CIMAP1C: variants seen among roughly 807,000 people sequenced by gnomAD.
CIMAP1C encodes outer dense fiber of sperm tails 3 like 1.
the CIMAP1C span, chr15:75,726,066 TGC>T: frequency 3.3e-5 from 53 of 1,612,566 alleles, no homozygotes; most frequent in South Asian, 5.5e-4. Context: ...AGGGATGGTG[TGC>T]CACAGCAGCC....
chr15:75,727,489 C>T, the CIMAP1C span: 4 of 1,610,710 alleles, frequency 2.5e-6, no homozygotes, highest in African/African-American at 4.0e-5. Context: ...TCACCATGGG[C>T]ATCAAGCACT....
the CIMAP1C span, chr15:75,726,105 A>C: frequency 6.2e-7 from 1 of 1,613,964 alleles, no homozygotes; most frequent in African/African-American, 1.3e-5. Context: ...CTTGGATCCC[A>C]AAATAACTCG....
At chr15:75,726,211 T>TGGGGGG in the CIMAP1C span, 1 of 1,236,460 alleles carries the variant, frequency 8.1e-7, no homozygotes, top group Non-Finnish European at 1.2e-6. Context: ...GGTTGGGAGG[T>TGGGGGG]TGGGGGGTGG....
chr15:75,727,456 G>A, the CIMAP1C span: 2 of 1,613,874 alleles, frequency 1.2e-6, no homozygotes, highest in Non-Finnish European at 1.7e-6. Context: ...AGGTCACTGT[G>A]CACAAGCCCC....
the CIMAP1C span, chr15:75,725,087 C>T: frequency 6.4e-7 from 1 of 1,568,174 alleles, no homozygotes. Flanking sequence ...AGGCTGAGGG[C>T]TGTCCTGTCC....
chr15:75,724,583 T>A, the CIMAP1C span, among the ~76,000 whole-genome samples: 1 of 152,220 alleles, frequency 6.6e-6, no homozygotes, highest in Non-Finnish European at 1.5e-5. Flanking sequence ...TTCCCTTCAA[T>A]TTTACTCTCA....
At chr15:75,724,430 G>A in the CIMAP1C span, 10 of 745,632 alleles carry the variant, frequency 1.3e-5, no homozygotes, top group Middle Eastern at 3.6e-4. Context: ...CAGAAGACCT[G>A]AGCCTCCAAG....
At chr15:75,727,211 T>C in the CIMAP1C span, 2 of 1,614,144 alleles carry the variant, frequency 1.2e-6, no homozygotes, top group Middle Eastern at 1.7e-4. Context: ...GATGCCACTC[T>C]TGCTGGGGCC....
chr15:75,727,399 T>A, the CIMAP1C span: 1 of 1,613,930 alleles, frequency 6.2e-7, no homozygotes, highest in East Asian at 2.2e-5. Context: ...TCGCCTACCC[T>A]CTGGACCTCA....
At chr15:75,726,212 T>TGGGGGGTGGGGTGGTG in the CIMAP1C span, 2 of 495,122 alleles carry the variant, frequency 4.0e-6, no homozygotes, top group East Asian at 4.7e-5. Context: ...GTTGGGAGGT[T>TGGGGGGTGGGGTGGTG]GGGGGGTGGG....
chr15:75,725,564 G>A, the CIMAP1C span, among the ~76,000 whole-genome samples: 1 of 152,352 alleles, frequency 6.6e-6, no homozygotes, highest in East Asian at 1.9e-4. Context: ...CAGTGGGGAA[G>A]TGGTGGCCCC....
chr15:75,725,303 G>A, the CIMAP1C span: 1 of 1,086,178 alleles, frequency 9.2e-7, no homozygotes, highest in Admixed American at 1.8e-5. Flanking sequence ...ATTCTCTGTA[G>A]CCACTGGGAA....
At chr15:75,726,976 T>C in the CIMAP1C span, 1 of 1,530,720 alleles carries the variant, frequency 6.5e-7, no homozygotes, top group East Asian at 2.3e-5. Flanking sequence ...TCACAGTGGA[T>C]AACCAGGACC....
chr15:75,727,038 C>T, the CIMAP1C span: 1 of 1,602,448 alleles, frequency 6.2e-7, no homozygotes, highest in South Asian at 1.1e-5. Flanking sequence ...AGAGCCCTCC[C>T]TTCCCGCCAC....
At chr15:75,725,138 CCT>C in the CIMAP1C span, 3 of 1,614,022 alleles carry the variant, frequency 1.9e-6, no homozygotes, top group Non-Finnish European at 2.5e-6. Flanking sequence ...CTCCGGCCAT[CCT>C]GCACGGGCTA....
chr15:75,724,367 A>T, the CIMAP1C span: 3 of 1,296,540 alleles, frequency 2.3e-6, no homozygotes, highest in Non-Finnish European at 2.2e-6. Flanking sequence ...TCTCTCCAGG[A>T]CTCCTTCCAG....
the CIMAP1C span, chr15:75,727,009 A>C: frequency 1.9e-6 from 3 of 1,566,848 alleles, no homozygotes; most frequent in East Asian, 4.5e-5. Context: ...GCAGAGAATG[A>C]GGTCTGTTCC....
the CIMAP1C span, chr15:75,727,028 A>G: frequency 6.3e-7 from 1 of 1,595,414 alleles, no homozygotes; most frequent in South Asian, 1.1e-5. Context: ...CCCTGCTCTG[A>G]GAGCCCTCCC....
chr15:75,725,043 C>G, the CIMAP1C span: 10 of 1,071,766 alleles, frequency 9.3e-6, no homozygotes, highest in Non-Finnish European at 1.3e-5. Flanking sequence ...GTGCGCTGTA[C>G]TGGGGCTTCC....
Sources: gnomAD v4.1 joint callset for allele counts (sites outside exome capture counted in the v4.1 genomes callset) on GRCh38, gnomAD v4.1.1 for gene constraint, MANE v1.5 for transcripts, NCBI Gene and HGNC (gene_info 2026-07-23, HGNC 2026-07-21) for gene names.